ANP32D: variants seen among roughly 807,000 people sequenced by gnomAD.
ANP32D encodes acidic nuclear phosphoprotein 32 family member D, also known as acidic leucine-rich nuclear phosphoprotein 32 family member D.
In ANP32D, 6 loss-of-function variants were observed where a neutral mutation model predicts 7.8. That is an observed-to-expected ratio of 0.77 (90% confidence interval 0.42 to 1.52). The LOEUF (loss-of-function observed/expected upper bound fraction) is 1.52. Among genes scored for constraint, ANP32D ranks in the 40% most tolerant of loss-of-function variants. ANP32D has a pLI of 0.01. For missense variants in ANP32D, 163 were observed against 145.9 expected (o/e 1.12, Z -0.60); for synonymous variants, 69 against 59.7 (o/e 1.16, Z -0.72).
rs1954097233 is a variant in ANP32D at position 48,473,246 on chromosome 12, G to C, written c.*186G>C. ...TGGAAGATGAGGAGGACGAGGATGA[G>C]GAGGAGGAACGTGAAGAGGAGGACG... On this transcript the variant is annotated 3_prime_UTR_variant, in exon 1 of 1. Coordinates refer to ENST00000266594, the MANE Select transcript of ANP32D (RefSeq NM_012404.3). 1 of 1,117,138 alleles carries C rather than the reference G, an allele frequency of 9.0e-7. No individual in the cohort carries two copies. Among genetic ancestry groups the C allele is most frequent in the Non-Finnish European group, 1.3e-6 (1 of 743,938 alleles). The allele number at this position is 1,117,138 out of a possible 1,614,324, so 69.2% of individuals were successfully genotyped here. A position where few individuals can be genotyped will look rare whatever the true frequency, so the allele number is the denominator to read the frequency against.
At position 48,472,684 on chromosome 12, in the gene ANP32D, T is replaced by C. The variant is rs559434498; in HGVS notation, c.20T>C (p.Ile7Thr). MEMGKW[I>T]HLELRNRTPS... ...TGAGAGATGGAGATGGGCAAATGGATTCATTTAGAGCTGCGGAACAGGACG... is the reference window on the plus strand; with the variant it reads ...TGAGAGATGGAGATGGGCAAATGGACTCATTTAGAGCTGCGGAACAGGACG... Residue 7 changes from isoleucine (I) to threonine (T), a missense_variant, in exon 1 of 1, where the codon ATT becomes ACT. By Grantham distance (89) the Ile-to-Thr change is moderately conservative. Transcript: ENST00000266594. 2 of 1,614,128 alleles carry C rather than the reference T, an allele frequency of 1.2e-6. No individual in the cohort carries two copies. Among genetic ancestry groups the C allele is most frequent in the Admixed American group, 1.7e-5 (1 of 60,018 alleles).
rs1954101008 is a variant in ANP32D, at chr12:48,473,506, A to G, written c.*446A>G. ...ACTCCAATCCTGCCCCCTGAAACTT[A>G]TTTTTTTCTGATTGTAACGTTGCTG... On this transcript the variant is annotated 3_prime_UTR_variant, in exon 1 of 1. Transcript: ENST00000266594. 1 of 390,816 alleles carries G rather than the reference A, an allele frequency of 2.6e-6. No individual in the cohort carries two copies. The highest frequency in any genetic ancestry group is 3.6e-5 in the Admixed American group (1 of 27,668). 24.2% of individuals were successfully genotyped at this position (390,816 alleles called of 1,614,324 possible).
chr12:48,473,265 G>T lies in ANP32D; in HGVS notation c.*205G>T, dbSNP rs561692565. The stretch of plus-strand genomic sequence containing the variant: ...GGATGAGGAGGAGGAACGTGAAGAG[G>T]AGGACGTGAGTGGAGACGAGGAGGA... On this transcript the variant is annotated 3_prime_UTR_variant, in exon 1 of 1. Transcript: ENST00000266594. 136 of 1,075,678 alleles carry T rather than the reference G, an allele frequency of 1.3e-4. 3 individuals are homozygous for T. In the South Asian group the frequency reaches 1.8e-3, roughly 14 times the overall value. 66.6% of individuals were successfully genotyped at this position (1,075,678 alleles called of 1,614,324 possible).
chr12:48,472,939 A>G lies in ANP32D; in HGVS notation c.275A>G (p.His92Arg), dbSNP rs145165709. 1.8e-4 allele frequency: 296 copies of G among 1,614,186 alleles called. 1 individual carries two copies. The African/African-American group carries it at 3.6e-3, about 20-fold the overall frequency. ...VLAEKCPNLI[H>R]LNLSGNKIKD... Reference sequence around the variant, plus strand: ...GCAGAAAAGTGTCCAAACCTCATACATCTAAATTTAAGTGGCAACAAAATT... The same window carrying G: ...GCAGAAAAGTGTCCAAACCTCATACGTCTAAATTTAAGTGGCAACAAAATT... The change falls in exon 1 of 1, where the codon CAT (histidine) becomes CGT (arginine). Residue 92 changes from histidine (H) to arginine (R), a missense_variant. His to Arg is a conservative substitution (Grantham distance 29). Transcript: ENST00000266594.
rs1418004514 is a variant in ANP32D, at chr12:48,473,010, G to A, written c.346G>A (p.Glu116Lys). ...GCCCCTGAAAAAGTTAGAAAACCTC[G>A]AGAGCTTAGACCTTTTCACTTGCGA... is the stretch of plus-strand genomic sequence containing the variant. ...IEPLKKLENL[E>K]SLDLFTCEVT... is the part of the protein sequence containing the mutation. Residue 116 changes from glutamate to lysine, a missense_variant, in exon 1 of 1, where the codon GAG (glutamate) becomes AAG (lysine). By Grantham distance (56) the Glu-to-Lys change is moderately conservative. Coordinates refer to ENST00000266594, the MANE Select transcript of ANP32D (RefSeq NM_012404.3). The A allele has an allele frequency of 1.9e-6, 3 of 1,613,894 alleles. No individual in the cohort carries two copies. The highest frequency in any genetic ancestry group is 1.1e-5 in the South Asian group (1 of 91,078).
rs930727636 is a variant in ANP32D at position 48,473,372 on chromosome 12, G to T, written c.*312G>T. ...TTGGTGAAGAAGAAAGGGGTCAGAA[G>T]CGAAAATAAGAAACTGAAGATGAGG... On this transcript the variant is annotated 3_prime_UTR_variant, in exon 1 of 1. Coordinates refer to ENST00000266594, the MANE Select transcript of ANP32D (RefSeq NM_012404.3). 9 of 1,052,282 alleles carry T rather than the reference G, an allele frequency of 8.6e-6. No individual in the cohort carries two copies. Among genetic ancestry groups the T allele is most frequent in the Admixed American group, 8.0e-5 (4 of 49,832 alleles). 65.2% of individuals were successfully genotyped at this position (1,052,282 alleles called of 1,614,324 possible). A position where few individuals can be genotyped will look rare whatever the true frequency, so the allele number is the denominator to read the frequency against.
Position 48,473,246 on chromosome 12 carries a change from G to T in ANP32D, c.*186G>T. The T allele has an allele frequency of 9.0e-7, 1 of 1,117,256 alleles. No individual in the cohort carries two copies. The highest frequency in any genetic ancestry group is 2.5e-5 in the East Asian group (1 of 40,224). 69.2% of individuals were successfully genotyped at this position (1,117,256 alleles called of 1,614,324 possible). The stretch of plus-strand genomic sequence containing the variant: ...TGGAAGATGAGGAGGACGAGGATGA[G>T]GAGGAGGAACGTGAAGAGGAGGACG... On this transcript the variant is annotated 3_prime_UTR_variant, in exon 1 of 1. Transcript: ENST00000266594.
In ANP32D at chr12:48,473,351, TG is replaced by T; in HGVS notation, c.*292del. On this transcript the variant is annotated 3_prime_UTR_variant, in exon 1 of 1. Coordinates refer to ENST00000266594, the MANE Select transcript of ANP32D (RefSeq NM_012404.3). Reference sequence around the variant, plus strand: ...ATGAGGAAGATGAAGAAGAGCTTGGTGAAGAAGAAAGGGGTCAGAAGCGAAA... The same window carrying T: ...ATGAGGAAGATGAAGAAGAGCTTGGTAAGAAGAAAGGGGTCAGAAGCGAAA... The T allele has an allele frequency of 8.8e-7, 1 of 1,139,480 alleles. No homozygotes were observed. The highest frequency in any genetic ancestry group is 1.3e-6 in the Non-Finnish European group (1 of 774,282). The allele number at this position is 1,139,480 out of a possible 1,614,324, so 70.6% of individuals were successfully genotyped here. A position where few individuals can be genotyped will look rare whatever the true frequency, so the allele number is the denominator to read the frequency against.
chr12:48,473,247 G>A lies in ANP32D; in HGVS notation c.*187G>A. On this transcript the variant is annotated 3_prime_UTR_variant, in exon 1 of 1. Coordinates refer to ENST00000266594, the MANE Select transcript of ANP32D (RefSeq NM_012404.3). ...GGAAGATGAGGAGGACGAGGATGAG[G>A]AGGAGGAACGTGAAGAGGAGGACGT... is the stretch of plus-strand genomic sequence containing the variant. 5.4e-6 allele frequency: 6 copies of A among 1,109,062 alleles called. No homozygotes were observed. The highest frequency in any genetic ancestry group is 1.9e-5 in the Admixed American group (1 of 52,040). The allele number at this position is 1,109,062 out of a possible 1,614,324, so 68.7% of individuals were successfully genotyped here.
rs746441828 is a variant in ANP32D at position 48,472,998 on chromosome 12, T to A, written c.334T>A (p.Leu112Ile). 6.2e-7 allele frequency: 1 copy of A among 1,613,876 alleles called. No individual in the cohort carries two copies. The highest frequency in any genetic ancestry group is 8.5e-7 in the Non-Finnish European group (1 of 1,180,002). ...CAGCACAATAGAGCCCCTGAAAAAG[T>A]TAGAAAACCTCGAGAGCTTAGACCT... Reference protein sequence around the residue: ...DLSTIEPLKKLENLESLDLFT... With the variant: ...DLSTIEPLKKIENLESLDLFT... Residue 112 changes from leucine to isoleucine, a missense_variant, in exon 1 of 1, where the codon TTA becomes ATA. Physicochemically the swap from Leu to Ile is conservative, Grantham distance 5. Coordinates refer to ENST00000266594, the MANE Select transcript of ANP32D (RefSeq NM_012404.3).
Position 48,473,392 on chromosome 12 carries a change from A to C in ANP32D, c.*332A>C. The C allele has an allele frequency of 2.2e-6, 2 of 890,926 alleles. No individual in the cohort carries two copies. Among genetic ancestry groups the C allele is most frequent in the East Asian group, 2.9e-5 (1 of 34,638 alleles). The allele number at this position is 890,926 out of a possible 1,614,324, so 55.2% of individuals were successfully genotyped here. A position where few individuals can be genotyped will look rare whatever the true frequency, so the allele number is the denominator to read the frequency against. On this transcript the variant is annotated 3_prime_UTR_variant, in exon 1 of 1. Coordinates refer to ENST00000266594, the MANE Select transcript of ANP32D (RefSeq NM_012404.3). ...CAGAAGCGAAAATAAGAAACTGAAG[A>C]TGAGGGAGAAGACGATGCCTAAGTG...
chr12:48,472,601 T>C lies in ANP32D; in HGVS notation c.-64T>C. On this transcript the variant is annotated 5_prime_UTR_variant, in exon 1 of 1. Transcript: ENST00000266594. ...GGTTGAGCTTTCAAATGTGCGGTTG[T>C]GGGTTCGGGGTTTATTGGTTGAATT... 6.3e-7 allele frequency: 1 copy of C among 1,590,926 alleles called. No homozygotes were observed. The highest frequency in any genetic ancestry group is 2.2e-5 in the East Asian group (1 of 44,772).
chr12:48,472,628 C>A lies in ANP32D; in HGVS notation c.-37C>A. 6.2e-7 allele frequency: 1 copy of A among 1,611,198 alleles called. No individual in the cohort carries two copies. Among genetic ancestry groups the A allele is most frequent in the South Asian group, 1.1e-5 (1 of 90,574 alleles). On this transcript the variant is annotated 5_prime_UTR_variant, in exon 1 of 1. Transcript: ENST00000266594. ...GGTTCGGGGTTTATTGGTTGAATTC[C>A]GCTGGCTCAGGAGCCTCTGCAGAGA...
chr12:48,473,228 TGAG>T lies in ANP32D; in HGVS notation c.*174_*176del, dbSNP rs918687657. Reference sequence around the variant, plus strand: ...ATGAAGATGCTCAGGTAATGGAAGATGAGGAGGACGAGGATGAGGAGGAGGAAC... The same window carrying T: ...ATGAAGATGCTCAGGTAATGGAAGATGAGGACGAGGATGAGGAGGAGGAAC... On this transcript the variant is annotated 3_prime_UTR_variant, in exon 1 of 1. Transcript: ENST00000266594. The T allele has an allele frequency of 4.3e-5, 51 of 1,182,096 alleles. No homozygotes were observed. Among genetic ancestry groups the T allele is most frequent in the Non-Finnish European group, 6.3e-5 (50 of 799,748 alleles). 73.2% of individuals were successfully genotyped at this position (1,182,096 alleles called of 1,614,324 possible).
Position 48,473,478 on chromosome 12 carries a change from C to T in ANP32D, c.*418C>T, listed in dbSNP as rs1954100346. On this transcript the variant is annotated 3_prime_UTR_variant, in exon 1 of 1. Transcript: ENST00000266594. ...TACTGTTTTTAGCCGTATCCCCTCC[C>T]CCACTCCAATCCTGCCCCCTGAAAC... 3 of 467,302 alleles carry T rather than the reference C, an allele frequency of 6.4e-6. No individual in the cohort carries two copies. The highest frequency in any genetic ancestry group is 1.2e-5 in the Non-Finnish European group (3 of 252,116). 28.9% of individuals were successfully genotyped at this position (467,302 alleles called of 1,614,324 possible). A position where few individuals can be genotyped will look rare whatever the true frequency, so the allele number is the denominator to read the frequency against.
chr12:48,472,983 G>A lies in ANP32D; in HGVS notation c.319G>A (p.Glu107Lys). The change falls in exon 1 of 1, where the codon GAG (glutamate) becomes AAG (lysine). Residue 107 changes from glutamate to lysine, a missense_variant. Transcript: ENST00000266594. ...CAAAATTAAAGACCTCAGCACAATA[G>A]AGCCCCTGAAAAAGTTAGAAAACCT... ...GNKIKDLSTI[E>K]PLKKLENLES... The A allele has an allele frequency of 6.2e-7, 1 of 1,614,064 alleles. No individual in the cohort carries two copies. Among genetic ancestry groups the A allele is most frequent in the Non-Finnish European group, 8.5e-7 (1 of 1,180,018 alleles).
At position 48,473,235 on chromosome 12, in the gene ANP32D, G is replaced by A. The variant is rs930100975; in HGVS notation, c.*175G>A. ...TGCTCAGGTAATGGAAGATGAGGAG[G>A]ACGAGGATGAGGAGGAGGAACGTGA... is the stretch of plus-strand genomic sequence containing the variant. On this transcript the variant is annotated 3_prime_UTR_variant, in exon 1 of 1. Coordinates refer to ENST00000266594, the MANE Select transcript of ANP32D (RefSeq NM_012404.3). 1.0e-4 allele frequency: 115 copies of A among 1,150,862 alleles called. No individual in the cohort carries two copies. The Middle Eastern group carries it at 2.7e-3, about 27-fold the overall frequency. 71.3% of individuals were successfully genotyped at this position (1,150,862 alleles called of 1,614,324 possible). A position where few individuals can be genotyped will look rare whatever the true frequency, so the allele number is the denominator to read the frequency against.
Position 48,472,597 on chromosome 12 carries a change from G to A in ANP32D, c.-68G>A. On this transcript the variant is annotated 5_prime_UTR_variant, in exon 1 of 1. Coordinates refer to ENST00000266594, the MANE Select transcript of ANP32D (RefSeq NM_012404.3). ...AGCTGGTTGAGCTTTCAAATGTGCG[G>A]TTGTGGGTTCGGGGTTTATTGGTTG... 2 of 1,586,238 alleles carry A rather than the reference G, an allele frequency of 1.3e-6. No homozygotes were observed. Among genetic ancestry groups the A allele is most frequent in the Non-Finnish European group, 1.7e-6 (2 of 1,164,408 alleles).
Position 48,473,279 on chromosome 12 carries a change from A to G in ANP32D, c.*219A>G. On this transcript the variant is annotated 3_prime_UTR_variant, in exon 1 of 1. Coordinates refer to ENST00000266594, the MANE Select transcript of ANP32D (RefSeq NM_012404.3). The stretch of plus-strand genomic sequence containing the variant: ...AACGTGAAGAGGAGGACGTGAGTGG[A>G]GACGAGGAGGAGAAGGATGAAGGTT... The G allele has an allele frequency of 9.2e-7, 1 of 1,082,454 alleles. No homozygotes were observed. The highest frequency in any genetic ancestry group is 1.4e-6 in the Non-Finnish European group (1 of 716,556). 67.1% of individuals were successfully genotyped at this position (1,082,454 alleles called of 1,614,324 possible). A position where few individuals can be genotyped will look rare whatever the true frequency, so the allele number is the denominator to read the frequency against.
Sources: gnomAD v4.1 joint callset for allele counts on GRCh38, gnomAD v4.1.1 for gene constraint, MANE v1.5 for transcripts, NCBI Gene and HGNC (gene_info 2026-07-23, HGNC 2026-07-21) for gene names.